Variants in DENND1A observed in about 807,000 individuals in gnomAD.
The protein encoded by DENND1A is DENN domain containing 1A.
In DENND1A, 51 loss-of-function variants were observed where a neutral mutation model predicts 113.7. The observed-to-expected ratio is 0.45, with a 90% confidence interval of 0.36 to 0.57. DENND1A has a LOEUF of 0.57. Ranked by LOEUF, DENND1A falls within the 20% of genes least tolerant of loss-of-function variation. DENND1A has a pLI of 0.00. For missense variants in DENND1A, 1,258 were observed against 1,395.9 expected, an observed-to-expected ratio of 0.90 and a Z score of 1.57; for synonymous variants, 565 against 570.8, an observed-to-expected ratio of 0.99 and a Z score of 0.14.
intron 5 of DENND1A, among the ~76,000 whole-genome samples, chr9:123,738,053 T>C (rs1348114253): frequency 6.6e-6 from 1 of 152,176 alleles, no homozygotes; most frequent in Non-Finnish European, 1.5e-5. Flanking sequence ...AGAAACGCTA[T>C]CCTGAATGTA....
intron 2 of DENND1A, among the ~76,000 whole-genome samples, chr9:123,823,026 T>C (rs1466287024): frequency 3.3e-5 from 5 of 152,234 alleles, no homozygotes; most frequent in Non-Finnish European, 7.3e-5. Context: ...AGGCAAGTAA[T>C]GCTCATTTAT....
At chr9:123,400,554 A>C (rs1431560073) in intron 21 of DENND1A, 2 of 152,146 alleles carry the variant, frequency 1.3e-5, no homozygotes, top group African/African-American at 4.8e-5. Context: ...TCTTACTCTT[A>C]ATCAGCCCCA....
At chr9:123,718,802 C>T (rs371592112) in intron 5 of DENND1A, among the ~76,000 whole-genome samples, 34 of 152,312 alleles carry the variant, frequency 2.2e-4, no homozygotes, top group African/African-American at 7.5e-4. Flanking sequence ...AAGGACTACA[C>T]CCAGAGTGTC....
chr9:123,696,415 C>T (rs181707048), intron 5 of DENND1A, among the ~76,000 whole-genome samples: 13 of 152,228 alleles, frequency 8.5e-5, no homozygotes, highest in Admixed American at 7.8e-4. Context: ...AACACATTAT[C>T]GGAAGAGTTT....
At chr9:123,470,193 C>T (rs867812498) in intron 13 of DENND1A, among the ~76,000 whole-genome samples, 7 of 152,316 alleles carry the variant, frequency 4.6e-5, no homozygotes, top group Middle Eastern at 6.8e-3. Flanking sequence ...AACCCCATTA[C>T]ATAGGGTGAG....
intron 11 of DENND1A, 79 bp from the exon 12 acceptor site, chr9:123,583,349 G>A: frequency 2.9e-6 from 3 of 1,022,354 alleles, no homozygotes; most frequent in Admixed American, 2.1e-5. Context: ...CTCTGGGGAA[G>A]AGGCATAGAG....
At chr9:123,491,011 T>C (rs1416930670) in intron 13 of DENND1A, among the ~76,000 whole-genome samples, 1 of 152,182 alleles carries the variant, frequency 6.6e-6, no homozygotes, top group Non-Finnish European at 1.5e-5. Flanking sequence ...GGAGGGACAA[T>C]GATAAACCAG....
At chr9:123,711,995 G>A (rs928614865) in intron 5 of DENND1A, among the ~76,000 whole-genome samples, 1 of 152,100 alleles carries the variant, frequency 6.6e-6, no homozygotes, top group Non-Finnish European at 1.5e-5. Context: ...CATCCCTGAT[G>A]CATGGAAATG....
chr9:123,533,679 T>G (rs1401842218), intron 13 of DENND1A, among the ~76,000 whole-genome samples: 4 of 152,168 alleles, frequency 2.6e-5, no homozygotes, highest in Non-Finnish European at 4.4e-5. Flanking sequence ...GGGGGACCCA[T>G]TGGAGATGCT....
intron 11 of DENND1A, among the ~76,000 whole-genome samples, chr9:123,601,661 ATAC>A (rs1173610839): frequency 1.3e-5 from 2 of 152,260 alleles, no homozygotes; most frequent in Non-Finnish European, 1.5e-5. Context: ...TCTTATTTTT[ATAC>A]TACTAACTAG....
At chr9:123,658,209 G>A (rs2063060828) in intron 8 of DENND1A, among the ~76,000 whole-genome samples, 1 of 151,728 alleles carries the variant, frequency 6.6e-6, no homozygotes, top group African/African-American at 2.4e-5. Context: ...TGACACCAAC[G>A]AGATAATTAA....
chr9:123,545,784 TAAG>T (rs1400817221), intron 13 of DENND1A, among the ~76,000 whole-genome samples: 2 of 152,108 alleles, frequency 1.3e-5, no homozygotes, highest in South Asian at 2.1e-4. Context: ...CTCCTGTTCT[TAAG>T]AAGTTCATAG....
At chr9:123,878,157 C>T (rs1438924810) in intron 2 of DENND1A, among the ~76,000 whole-genome samples, 1 of 149,020 alleles carries the variant, frequency 6.7e-6, no homozygotes, top group East Asian at 2.0e-4. Flanking sequence ...GAGCCAAGAT[C>T]ACGCCATTGC....
chr9:123,535,535 T>C (rs902016522), intron 13 of DENND1A, among the ~76,000 whole-genome samples: 4 of 152,248 alleles, frequency 2.6e-5, no homozygotes, highest in South Asian at 2.1e-4. Context: ...CTGTCTCCTA[T>C]GTTTCTCTCT....
chr9:123,591,388 G>T (rs1027640215), intron 11 of DENND1A, among the ~76,000 whole-genome samples: 25 of 152,226 alleles, frequency 1.6e-4, no homozygotes, highest in African/African-American at 6.0e-4. Flanking sequence ...TGTCAGCCGG[G>T]GGATCTGAAG....
intron 5 of DENND1A, among the ~76,000 whole-genome samples, chr9:123,677,923 C>T (rs1026495608): frequency 6.6e-6 from 1 of 152,134 alleles, no homozygotes; most frequent in African/African-American, 2.4e-5. Flanking sequence ...TCCCCTCACT[C>T]CTCTCACTCC....
intron 13 of DENND1A, among the ~76,000 whole-genome samples, chr9:123,485,991 G>A (rs1292421249): frequency 2.0e-5 from 3 of 152,162 alleles, no homozygotes; most frequent in African/African-American, 4.8e-5. Flanking sequence ...GATTCCCCTG[G>A]ATCTTCAGTG....
At chr9:123,599,114 G>A (rs577092582) in intron 11 of DENND1A, among the ~76,000 whole-genome samples, 1 of 152,286 alleles carries the variant, frequency 6.6e-6, no homozygotes, top group East Asian at 1.9e-4. Context: ...ACATAGAATG[G>A]TGGTCCCAAG....
chr9:123,442,502 A>G (rs2047001720), intron 18 of DENND1A, among the ~76,000 whole-genome samples: 1 of 152,168 alleles, frequency 6.6e-6, no homozygotes. Context: ...ATCCTACAAG[A>G]TAGATATGAG....
Sources: gnomAD v4.1 joint callset for allele counts (sites outside exome capture counted in the v4.1 genomes callset) on GRCh38, gnomAD v4.1.1 for gene constraint, MANE v1.5 for transcripts, NCBI Gene and HGNC (gene_info 2026-07-23, HGNC 2026-07-21) for gene names.